Variants in COL5A1 observed in about 807,000 individuals in gnomAD.
COL5A1 encodes collagen alpha-1(V) chain.
Under a neutral mutation model 263.7 loss-of-function variants are expected in COL5A1, and 16 were observed. The ratio of observed to expected loss-of-function variants is 0.06; its 90% confidence interval spans 0.04 to 0.09. The LOEUF is 0.09. COL5A1 is among the 10% of genes least tolerant of loss of function. The pLI, the probability that COL5A1 is intolerant of heterozygous loss-of-function variation, is 1.00. For missense variants in COL5A1, 2,036 were observed against 2,540.5 expected, an observed-to-expected ratio of 0.80 and a Z score of 4.27; for synonymous variants, 1,012 against 1,004.5, an observed-to-expected ratio of 1.01 and a Z score of -0.14.
At position 134,721,268 on chromosome 9, in the gene COL5A1, T is replaced by A. The variant is rs1208769420; in HGVS notation, c.655-5998T>A. Among the ~76,000 whole-genome samples the A allele has an allele frequency of 3.4e-5, 4 of 118,326 alleles. 1 individual carries two copies. The highest frequency in any genetic ancestry group is 6.7e-5 in the Non-Finnish European group (4 of 59,466). 77.6% of individuals were successfully genotyped at this position (118,326 alleles called of 152,430 possible). A position where few individuals can be genotyped will look rare whatever the true frequency, so the allele number is the denominator to read the frequency against. On this transcript the variant is annotated intron_variant, in intron 4 of 65. Transcript: ENST00000371817. ...CCAGGGCTGTCAGATGTCCCCCCCA[T>A]GGGACCCCCATCCAGGGCTGCCCAG...
intron 13 of COL5A1, 50 bp from the exon 14 acceptor site, chr9:134,752,539 G>T: frequency 1.4e-6 from 2 of 1,455,450 alleles, no homozygotes. Context: ...CAGCAAACCG[G>T]AGCACTGCTG....
intron 32 of COL5A1, among the ~76,000 whole-genome samples, chr9:134,793,385 G>GC (rs141760329): frequency 1.1e-4 from 5 of 44,034 alleles, no homozygotes; most frequent in African/African-American, 4.0e-4. Context: ...TAAGGAGGCT[G>GC]GGGGGGGCAT....
At chr9:134,728,606 G>A (rs1411546662) in intron 5 of COL5A1, 64 bp from the exon 6 acceptor site, 2 of 1,610,026 alleles carry the variant, frequency 1.2e-6, no homozygotes, top group African/African-American at 2.7e-5. Flanking sequence ...GCGGAAGGAA[G>A]GACAGCAGGC....
At chr9:134,701,362 G>A (rs901560152) in intron 4 of COL5A1, 29 bp downstream of exon 4, 1 of 1,607,172 alleles carries the variant, frequency 6.2e-7, no homozygotes, top group Non-Finnish European at 8.5e-7. Flanking sequence ...CAACCCCTGT[G>A]CCCACCAGGG....
intron 1 of COL5A1, among the ~76,000 whole-genome samples, chr9:134,684,203 G>A (rs905453702): frequency 6.6e-6 from 1 of 152,214 alleles, no homozygotes; most frequent in Admixed American, 6.5e-5. Context: ...CTGAGCCCTC[G>A]GAGGAGTGCT....
chr9:134,836,454 A>C (rs1839858837), intron 65 of COL5A1, among the ~76,000 whole-genome samples: 1 of 152,120 alleles, frequency 6.6e-6, no homozygotes. Flanking sequence ...TCAACCTGAG[A>C]TTTGGAAGGG....
intron 4 of COL5A1, chr9:134,708,773 G>C (rs1283689210): frequency 2.2e-6 from 1 of 462,600 alleles, no homozygotes; most frequent in Admixed American, 2.3e-5. Context: ...CAGCCCGGTG[G>C]CAAACAGCAG....
chr9:134,809,145 G>T (rs768317349), intron 42 of COL5A1, 38 bp from the exon 43 acceptor site: 1 of 1,510,656 alleles, frequency 6.6e-7, no homozygotes, highest in South Asian at 1.2e-5. Flanking sequence ...TTCCCAGGTT[G>T]GAGCCACGTT....
In COL5A1 at chr9:134,661,992, C is replaced by T. The variant is rs560441311; in HGVS notation, c.109+19696C>T. Among the ~76,000 whole-genome samples, 17 of 152,256 alleles carry T rather than the reference C, an allele frequency of 1.1e-4. No homozygotes were observed. In the South Asian group the frequency reaches 3.5e-3, roughly 32 times the overall value. Reference sequence around the variant, plus strand: ...AAAGCCGCCTTCTCTGGGGCGGTTACTCACGCAGAGGCGGGAACCTGACTC... The same window carrying T: ...AAAGCCGCCTTCTCTGGGGCGGTTATTCACGCAGAGGCGGGAACCTGACTC... On this transcript the variant is annotated intron_variant, in intron 1 of 65. Coordinates refer to ENST00000371817, the MANE Select transcript of COL5A1 (RefSeq NM_000093.5).
At chr9:134,672,839 T>C (rs1832575787) in intron 1 of COL5A1, among the ~76,000 whole-genome samples, 1 of 152,192 alleles carries the variant, frequency 6.6e-6, no homozygotes, top group Non-Finnish European at 1.5e-5. Context: ...ACAAAGTCAA[T>C]TTACAAAAAT....
intron 39 of COL5A1, among the ~76,000 whole-genome samples, chr9:134,804,192 A>T (rs1179929190): frequency 6.6e-6 from 1 of 152,164 alleles, no homozygotes; most frequent in Admixed American, 6.5e-5. Context: ...ACATGTGTAC[A>T]TGCACACGTG....
At chr9:134,786,417 G>A (rs1837461384) in intron 31 of COL5A1, among the ~76,000 whole-genome samples, 1 of 152,158 alleles carries the variant, frequency 6.6e-6, no homozygotes, top group African/African-American at 2.4e-5. Flanking sequence ...CTTGGGCAAT[G>A]AGTCTTCTGC....
chr9:134,776,352 CT>C (rs1248910096), intron 27 of COL5A1, among the ~76,000 whole-genome samples: 1 of 152,204 alleles, frequency 6.6e-6, no homozygotes, highest in Non-Finnish European at 1.5e-5. Context: ...CATAACGCTG[CT>C]TCTGTGAGCT....
intron 1 of COL5A1, among the ~76,000 whole-genome samples, chr9:134,685,740 A>G (rs1833050765): frequency 6.8e-6 from 1 of 146,874 alleles, no homozygotes; most frequent in Non-Finnish European, 1.5e-5. Flanking sequence ...TCATCCATCC[A>G]TCCATCCATC....
intron 1 of COL5A1, among the ~76,000 whole-genome samples, chr9:134,661,358 G>C (rs11103460): frequency 0.3 from 44,720 of 150,822 alleles, 8,154 homozygotes; most frequent in Non-Finnish European, 0.4. Context: ...ATCTTTCAAG[G>C]GGTCCCCAAG....
intron 30 of COL5A1, among the ~76,000 whole-genome samples, chr9:134,785,326 C>T (rs1417996557): frequency 6.6e-6 from 1 of 152,206 alleles, no homozygotes; most frequent in African/African-American, 2.4e-5. Context: ...TCCACCATCG[C>T]CTTGGAAGGC....
At chr9:134,672,563 A>G (rs1433223784) in intron 1 of COL5A1, among the ~76,000 whole-genome samples, 2 of 152,252 alleles carry the variant, frequency 1.3e-5, no homozygotes, top group African/African-American at 4.8e-5. Context: ...GATAAAGGAC[A>G]TTCATGTAAA....
rs1441416148 is a variant in COL5A1, at chr9:134,716,334, G to A, written c.655-10932G>A. ...GTGCCTTCCCTGTGCCATTCTTCTC[G>A]GGCAGTGCTGCCAAGGGTCAGGTGG... On this transcript the variant is annotated intron_variant, in intron 4 of 65. Transcript: ENST00000371817. This position sits in a 1 kb window ranked among gnomAD's most constrained non-coding sequence, Gnocchi z 4.5. Among the ~76,000 whole-genome samples the A allele has an allele frequency of 1.3e-5, 2 of 152,140 alleles. No homozygotes were observed. Among genetic ancestry groups the A allele is most frequent in the African/African-American group, 2.4e-5 (1 of 41,414 alleles).
intron 1 of COL5A1, among the ~76,000 whole-genome samples, chr9:134,684,025 C>T (rs1433510412): frequency 6.6e-6 from 1 of 152,168 alleles, no homozygotes; most frequent in South Asian, 2.1e-4. Flanking sequence ...GGCCCCAGAC[C>T]TCCACTCTCC....
Sources: allele counts gnomAD v4.1 joint callset (sites outside exome capture counted in the v4.1 genomes callset), GRCh38; gene constraint gnomAD v4.1.1; non-coding constraint Gnocchi (gnomAD v3.1); transcripts MANE v1.5; gene names NCBI Gene and HGNC (gene_info 2026-07-23, HGNC 2026-07-21).